LRCH1: variants seen among roughly 807,000 people sequenced by gnomAD.
The protein encoded by LRCH1 is leucine-rich repeat and calponin homology domain-containing protein 1.
Under a neutral mutation model 94.9 loss-of-function variants are expected in LRCH1, and 23 were observed. The observed-to-expected ratio is 0.24, with a 90% confidence interval of 0.17 to 0.34. LRCH1 has a LOEUF of 0.34. LRCH1 is among the 10% of genes least tolerant of loss of function. The probability of loss-of-function intolerance (pLI) is 1.00; values close to 1 mark genes in which losing one functional copy is unlikely to be tolerated. For missense variants in LRCH1, 790 were observed against 945.9 expected (o/e 0.84, Z 2.16); for synonymous variants, 364 against 354.9 (o/e 1.03, Z -0.29).
At chr13:46,553,847 T>A in intron 1 of LRCH1, 144 bp downstream of exon 1, 6 of 1,473,856 alleles carry the variant, frequency 4.1e-6, no homozygotes, top group Non-Finnish European at 5.5e-6. Context: ...AAGAAGGGAC[T>A]CGCGTGGGCG....
At position 46,602,978 on chromosome 13, in the gene LRCH1, G is replaced by GCATACATACATACATATATACATA. The variant is rs1555272034; in HGVS notation, c.308-47207_308-47206insTATACATACATACATACATACATA. On this transcript the variant is annotated intron_variant, in intron 1 of 19. Coordinates refer to ENST00000389797, the MANE Select transcript of LRCH1 (RefSeq NM_001164211.2). ...TACATACATGCATACATACATGCATGCATACATACATACATACATACATAC... is the reference window on the plus strand; with the variant it reads ...TACATACATGCATACATACATGCATGCATACATACATACATATATACATACATACATACATACATACATACATAC... Among the ~76,000 whole-genome samples, 1,069 of 149,932 alleles carry GCATACATACATACATATATACATA rather than the reference G, an allele frequency of 7.1e-3. 20 individuals carry two copies. Among genetic ancestry groups the GCATACATACATACATATATACATA allele is most frequent in the African/African-American group, 0.025 (1,011 of 40,592 alleles).
chr13:46,705,738 C>A, intron 13 of LRCH1: 1 of 324,824 alleles, frequency 3.1e-6, no homozygotes, highest in Non-Finnish European at 6.0e-6. Flanking sequence ...TTGGGAATGT[C>A]GAGGAGGATT....
intron 3 of LRCH1, among the ~76,000 whole-genome samples, chr13:46,678,578 G>A (rs1423187402): frequency 6.6e-6 from 1 of 152,142 alleles, no homozygotes; most frequent in Non-Finnish European, 1.5e-5. Context: ...TGGACAATTG[G>A]ACTTTGTGTT....
chr13:46,648,464 AC>A (rs2051251161), intron 1 of LRCH1, among the ~76,000 whole-genome samples: 1 of 152,132 alleles, frequency 6.6e-6, no homozygotes, highest in Admixed American at 6.6e-5. Context: ...TCTATCCACC[AC>A]ACTGCTCTAT....
intron 1 of LRCH1, among the ~76,000 whole-genome samples, chr13:46,624,350 T>C (rs960576348): frequency 4.6e-5 from 7 of 152,230 alleles, no homozygotes; most frequent in Non-Finnish European, 7.3e-5. Context: ...TTCCATGCCT[T>C]ATTAAGGAAA....
chr13:46,585,589 A>G (rs1452177712), intron 1 of LRCH1, among the ~76,000 whole-genome samples: 2 of 151,340 alleles, frequency 1.3e-5, no homozygotes, highest in East Asian at 1.9e-4. Context: ...ACGCATTTCT[A>G]TAACCTGCAC....
intron 2 of LRCH1, among the ~76,000 whole-genome samples, chr13:46,656,491 A>G (rs2051371091): frequency 1.3e-5 from 2 of 152,242 alleles, no homozygotes; most frequent in Admixed American, 1.3e-4. Flanking sequence ...ATATTAATGT[A>G]TATATTTTCG....
intron 1 of LRCH1, among the ~76,000 whole-genome samples, chr13:46,567,479 A>G (rs1384905574): frequency 1.6e-5 from 2 of 127,266 alleles, no homozygotes; most frequent in Non-Finnish European, 3.1e-5. Flanking sequence ...TCTGCATGCA[A>G]TTTAAGGCAA....
At chr13:46,726,933 AT>A (rs1434487243) in intron 17 of LRCH1, among the ~76,000 whole-genome samples, 2 of 151,848 alleles carry the variant, frequency 1.3e-5, no homozygotes, top group Non-Finnish European at 2.9e-5. Flanking sequence ...TCATAACATA[AT>A]TCAAAAATGT....
chr13:46,701,321 T>C (rs1871459694), intron 11 of LRCH1, 114 bp downstream of exon 11: 1 of 656,072 alleles, frequency 1.5e-6, no homozygotes, highest in Non-Finnish European at 2.6e-6. Flanking sequence ...CCAGTCCAGC[T>C]ACTAACAAAG....
chr13:46,572,452 C>T (rs2050251038), intron 1 of LRCH1, among the ~76,000 whole-genome samples: 2 of 151,958 alleles, frequency 1.3e-5, no homozygotes, highest in African/African-American at 2.4e-5. Flanking sequence ...AAAATAGGTG[C>T]GTGAAATGAA....
Position 46,685,957 on chromosome 13 carries a change from C to A in LRCH1, c.738C>A (p.Leu246=). Residue 246 remains leucine, a synonymous_variant, in exon 5 of 20, where the codon CTC becomes CTA. Coordinates refer to ENST00000389797, the MANE Select transcript of LRCH1 (RefSeq NM_001164211.2). ...TTGACTTTTCCTGCAACAAAGTGCT[C>A]GTGATTCCAATTTGTTTTAGAGAGA... ...VKFDFSCNKV[L]VIPICFREMK... is the part of the protein sequence containing the mutation. The A allele has an allele frequency of 6.2e-7, 1 of 1,610,346 alleles. No homozygotes were observed. Among genetic ancestry groups the A allele is most frequent in the Non-Finnish European group, 8.5e-7 (1 of 1,178,558 alleles).
chr13:46,584,402 CAG>C (rs953724104), intron 1 of LRCH1, among the ~76,000 whole-genome samples: 1 of 152,210 alleles, frequency 6.6e-6, no homozygotes, highest in Non-Finnish European at 1.5e-5. Flanking sequence ...CCTCATGAAT[CAG>C]AGTCTGTATT....
At chr13:46,569,693 C>A (rs2050221176) in intron 1 of LRCH1, among the ~76,000 whole-genome samples, 1 of 152,136 alleles carries the variant, frequency 6.6e-6, no homozygotes, top group Non-Finnish European at 1.5e-5. Context: ...GCTTATCCTG[C>A]TGGGTTTTCC....
At position 46,750,191 on chromosome 13, in the gene LRCH1, T is replaced by G. The variant is rs555874282; in HGVS notation, c.1981-349T>G. On this transcript the variant is annotated intron_variant, in intron 18 of 18. Coordinates refer to the LRCH1 transcript ENST00000311191. ...AAATGTGTCAGGGGCTATTTGCAGTTTTGCTTTATAAAAATAGAAGCTATT... is the reference window on the plus strand; with the variant it reads ...AAATGTGTCAGGGGCTATTTGCAGTGTTGCTTTATAAAAATAGAAGCTATT... Among the ~76,000 whole-genome samples, 10 of 152,318 alleles carry G rather than the reference T, an allele frequency of 6.6e-5. No homozygotes were observed. The South Asian group carries it at 2.1e-3, about 32-fold the overall frequency.
intron 4 of LRCH1, 141 bp from the exon 5 acceptor site, chr13:46,685,764 C>T: frequency 1.7e-6 from 1 of 581,174 alleles, no homozygotes; most frequent in Non-Finnish European, 2.9e-6. Flanking sequence ...ACCATGTATT[C>T]CTAATGTACA....
chr13:46,615,279 A>AG (rs1442154407), intron 1 of LRCH1, among the ~76,000 whole-genome samples: 1 of 152,164 alleles, frequency 6.6e-6, no homozygotes, highest in Non-Finnish European at 1.5e-5. Context: ...CAGAAGGCTA[A>AG]GGGGGAGCAG....
chr13:46,623,693 G>GTTTTTTTTTTTTTT (rs5803361), intron 1 of LRCH1, among the ~76,000 whole-genome samples: 23 of 128,460 alleles, frequency 1.8e-4, no homozygotes, highest in Non-Finnish European at 2.2e-4. Context: ...CCCTGTCTCT[G>GTTTTTTTTTTTTTT]TTTTTTTTTT....
chr13:46,655,394 T>C (rs1165722385), intron 2 of LRCH1, among the ~76,000 whole-genome samples: 2 of 152,252 alleles, frequency 1.3e-5, no homozygotes, highest in East Asian at 3.8e-4. Flanking sequence ...AAATATTAAT[T>C]TACTGCTGTT....
Sources: allele counts gnomAD v4.1 joint callset (sites outside exome capture counted in the v4.1 genomes callset), GRCh38; gene constraint gnomAD v4.1.1; transcripts MANE v1.5; gene names NCBI Gene and HGNC (gene_info 2026-07-23, HGNC 2026-07-21).